The following DTNA variants were observed in gnomAD, a reference collection of about 807,000 sequenced individuals.
The protein encoded by DTNA is dystrophin-related protein 3.
A neutral mutation model predicts 100.7 loss-of-function variants in DTNA; 43 were observed. The ratio of observed to expected loss-of-function variants is 0.43; its 90% CI spans 0.33 to 0.55. DTNA has a LOEUF of 0.55. DTNA is among the 20% of genes least tolerant of loss of function. The pLI is 0.04. For missense variants in DTNA, 798 were observed against 953.9 expected (o/e 0.84, Z 2.15); for synonymous variants, 349 against 347.9 (o/e 1.00, Z -0.04).
chr18:34,713,421 G>A (rs904552625), intron 1 of DTNA, among the ~76,000 whole-genome samples: 2 of 152,134 alleles, frequency 1.3e-5, no homozygotes, highest in Non-Finnish European at 2.9e-5. Flanking sequence ...GATAGAGGCT[G>A]TCATCAAAAA....
At chr18:34,564,899 A>G (rs2046953589) in intron 1 of DTNA, among the ~76,000 whole-genome samples, 1 of 152,296 alleles carries the variant, frequency 6.6e-6, no homozygotes, top group East Asian at 1.9e-4. Flanking sequence ...TAAAGAATGG[A>G]GATTTACCAA....
rs149271384 is a variant in DTNA, at chr18:34,890,809, G to A, written c.*3075G>A. ...AGTAATGTGAACTGAATTGCATTAAGAGTGTGTGGCCTTTGTTGTGATATA... is the reference window on the plus strand; with the variant it reads ...AGTAATGTGAACTGAATTGCATTAAAAGTGTGTGGCCTTTGTTGTGATATA... On this transcript the variant is annotated 3_prime_UTR_variant, in exon 23 of 23. Coordinates refer to ENST00000444659, the MANE Select transcript of DTNA (RefSeq NM_001386795.1). The A allele has an allele frequency of 1.2e-3, 277 of 237,308 alleles. 5 individuals are homozygous for A. The East Asian group carries it at 0.024, about 20-fold the overall frequency. 14.7% of individuals were successfully genotyped at this position (237,308 alleles called of 1,614,324 possible).
At chr18:34,776,606 G>T (rs1405876092) in intron 3 of DTNA, among the ~76,000 whole-genome samples, 1 of 152,188 alleles carries the variant, frequency 6.6e-6, no homozygotes, top group African/African-American at 2.4e-5. Context: ...CTCCCAAAGT[G>T]CTGGGATTAC....
intron 1 of DTNA, among the ~76,000 whole-genome samples, chr18:34,516,853 A>G (rs2041673509): frequency 6.6e-6 from 1 of 152,070 alleles, no homozygotes; most frequent in Non-Finnish European, 1.5e-5. Flanking sequence ...TAACGCAATC[A>G]TCACAGGATC....
chr18:34,711,599 C>A (rs1250211809), intron 1 of DTNA, among the ~76,000 whole-genome samples: 1 of 152,108 alleles, frequency 6.6e-6, no homozygotes, highest in Non-Finnish European at 1.5e-5. Context: ...ATTATGTGCC[C>A]TTAATTGGCA....
chr18:34,536,345 G>A (rs936351423), intron 1 of DTNA, among the ~76,000 whole-genome samples: 1 of 151,810 alleles, frequency 6.6e-6, no homozygotes, highest in Non-Finnish European at 1.5e-5. Flanking sequence ...CTGATACTAT[G>A]AGCCTTTCTG....
intron 1 of DTNA, among the ~76,000 whole-genome samples, chr18:34,734,648 C>T (rs1012737927): frequency 2.6e-5 from 4 of 152,040 alleles, no homozygotes; most frequent in African/African-American, 7.2e-5. Context: ...GAGACAGAAT[C>T]CCCCAGTTCA....
chr18:34,581,467 A>C (rs939834376), intron 1 of DTNA, among the ~76,000 whole-genome samples: 1 of 151,986 alleles, frequency 6.6e-6, no homozygotes, highest in Non-Finnish European at 1.5e-5. Context: ...CAGCTCTCTG[A>C]TGTGTTTTTT....
chr18:34,866,460 C>G (rs969433123), intron 17 of DTNA: 2 of 1,243,040 alleles, frequency 1.6e-6, no homozygotes, highest in Non-Finnish European at 2.0e-6. Flanking sequence ...TTGATCAGAC[C>G]CTTCTCTTAA....
At chr18:34,810,465 A>G (rs1451502968) in intron 5 of DTNA, among the ~76,000 whole-genome samples, 2 of 150,562 alleles carry the variant, frequency 1.3e-5, no homozygotes, top group African/African-American at 2.5e-5. Context: ...TCTCACTCAT[A>G]TGTGGGAGCT....
chr18:34,875,310 G>A lies in DTNA; in HGVS notation c.1815G>A (p.Arg605=). The A allele has an allele frequency of 6.2e-7, 1 of 1,614,168 alleles. No homozygotes were observed. Among genetic ancestry groups the A allele is most frequent in the Non-Finnish European group, 8.5e-7 (1 of 1,180,028 alleles). The change falls in exon 18 of 23, where the codon CGG becomes CGA. Residue 605 remains arginine (R), a synonymous_variant. Coordinates refer to ENST00000444659, the MANE Select transcript of DTNA (RefSeq NM_001386795.1). ...GCAGGCCAATTCCCATGCCCATCCG[G>A]TCAGCGTCAGCCTGCTCCACCCCGA... ...TISRPIPMPI[R]SASACSTPTH... is the part of the protein sequence containing the mutation.
At chr18:34,844,796 T>C (rs375444907) in intron 13 of DTNA, among the ~76,000 whole-genome samples, 14 of 152,152 alleles carry the variant, frequency 9.2e-5, no homozygotes, top group Admixed American at 1.3e-4. Context: ...ATCAAAAGAA[T>C]GTGAACAAAC....
At chr18:34,799,314 G>T (rs959974532) in intron 4 of DTNA, among the ~76,000 whole-genome samples, 3 of 152,104 alleles carry the variant, frequency 2.0e-5, no homozygotes, top group Non-Finnish European at 4.4e-5. Context: ...AAAGACCACA[G>T]AACTATTTCA....
At chr18:34,641,373 C>A (rs1243063813) in intron 1 of DTNA, among the ~76,000 whole-genome samples, 1 of 152,170 alleles carries the variant, frequency 6.6e-6, no homozygotes, top group Non-Finnish European at 1.5e-5. Context: ...GGGAACTGGC[C>A]ACTGATCACA....
At chr18:34,860,229 T>TG (rs2096604950) in intron 16 of DTNA, among the ~76,000 whole-genome samples, 1 of 132,190 alleles carries the variant, frequency 7.6e-6, no homozygotes, top group Non-Finnish European at 1.6e-5. Context: ...TGTTTTTTTT[T>TG]TTTTTTTTTT....
rs1601659580 is a variant in DTNA at position 34,766,181 on chromosome 18, A to G, written c.148+140A>G. 25 of 1,021,934 alleles carry G rather than the reference A, an allele frequency of 2.4e-5. No homozygotes were observed. In the East Asian group the frequency reaches 6.6e-4, roughly 27 times the overall value. The allele number at this position is 1,021,934 out of a possible 1,614,324, so 63.3% of individuals were successfully genotyped here. ...TTTACACAACAATAAAAGGGGTATT[A>G]TGAGGCACAAATGGTAGAGATGACT... is the stretch of plus-strand genomic sequence containing the variant. On this transcript the variant is annotated intron_variant, in intron 3 of 22. Coordinates refer to ENST00000444659, the MANE Select transcript of DTNA (RefSeq NM_001386795.1).
chr18:34,735,508 A>T (rs1040650506), intron 1 of DTNA, among the ~76,000 whole-genome samples: 2 of 152,202 alleles, frequency 1.3e-5, no homozygotes, highest in African/African-American at 4.8e-5. Flanking sequence ...GAAGAGCACG[A>T]AGACATTTTT....
At position 34,622,619 on chromosome 18, in the gene DTNA, C is replaced by T. The variant is rs2056707324; in HGVS notation, c.-2+129105C>T. On this transcript the variant is annotated intron_variant, in intron 1 of 19. Coordinates refer to the DTNA transcript ENST00000283365. ...GGTTCCGTGCAATCTGCTGGCAGCC[C>T]AGAGAGAACCAAAACAGAGACAAGG... Among the ~76,000 whole-genome samples the T allele has an allele frequency of 2.0e-5, 3 of 152,148 alleles. No individual in the cohort carries two copies. In the South Asian group the frequency reaches 6.2e-4, roughly 32 times the overall value.
intron 6 of DTNA, among the ~76,000 whole-genome samples, chr18:34,813,394 G>A (rs549101342): frequency 1.3e-5 from 2 of 151,400 alleles, no homozygotes; most frequent in East Asian, 2.0e-4. Context: ...GCTTAAGCCC[G>A]GATGGCGCCA....
Sources: allele counts gnomAD v4.1 joint callset (sites outside exome capture counted in the v4.1 genomes callset), GRCh38; gene constraint gnomAD v4.1.1; transcripts MANE v1.5; gene names NCBI Gene and HGNC (gene_info 2026-07-23, HGNC 2026-07-21).